The following PRKG1 variants were observed in gnomAD, a reference collection of about 807,000 sequenced individuals.
PRKG1 encodes the protein protein kinase cGMP-dependent 1.
PRKG1 carries 35 observed loss-of-function variants against 88.1 expected under a neutral mutation model. That is an observed-to-expected ratio of 0.40 (90% CI 0.30 to 0.53). The LOEUF (loss-of-function observed/expected upper bound fraction) is 0.53. PRKG1 is among the 20% of genes least tolerant of loss of function. PRKG1 has a pLI of 0.59. For synonymous variants in PRKG1, 303 were observed against 292.5 expected, an observed-to-expected ratio of 1.04 and a Z score of -0.37; for missense variants, 540 against 839.8, an observed-to-expected ratio of 0.64 and a Z score of 4.41.
chr10:51,854,732 A>C (rs1324141697), intron 4 of PRKG1, among the ~76,000 whole-genome samples: 1 of 152,220 alleles, frequency 6.6e-6, no homozygotes, highest in Non-Finnish European at 1.5e-5. Context: ...AAGTTAGCGT[A>C]ATCTGGGGTG....
At chr10:51,231,109 T>C (rs1589263460) in intron 2 of PRKG1, among the ~76,000 whole-genome samples, 1 of 152,180 alleles carries the variant, frequency 6.6e-6, no homozygotes, top group East Asian at 1.9e-4. Context: ...CCTCGTTTAC[T>C]TCAGGAGGTA....
chr10:51,908,673 G>C (rs954832014), intron 5 of PRKG1: 8 of 144,636 alleles, frequency 5.5e-5, no homozygotes, highest in South Asian at 2.2e-4. Context: ...GAAGGAGATT[G>C]AAAAATCATC....
chr10:51,476,940 C>A (rs1375004371), intron 3 of PRKG1, among the ~76,000 whole-genome samples: 1 of 151,838 alleles, frequency 6.6e-6, no homozygotes, highest in Non-Finnish European at 1.5e-5. Flanking sequence ...GAATCTCTAA[C>A]CTTTACAATA....
At chr10:51,122,435 G>A (rs1845281432) in intron 1 of PRKG1, among the ~76,000 whole-genome samples, 1 of 152,134 alleles carries the variant, frequency 6.6e-6, no homozygotes, top group Non-Finnish European at 1.5e-5. Context: ...AGTGATGTTA[G>A]CCCTGTGTCT....
chr10:51,937,472 G>T (rs903270333), intron 5 of PRKG1, among the ~76,000 whole-genome samples: 1 of 151,946 alleles, frequency 6.6e-6, no homozygotes, highest in Admixed American at 6.6e-5. Context: ...GTAAATCTTG[G>T]CAGATGTTTA....
intron 4 of PRKG1, among the ~76,000 whole-genome samples, chr10:51,886,382 C>G (rs1841569630): frequency 6.6e-6 from 1 of 152,040 alleles, no homozygotes; most frequent in African/African-American, 2.4e-5. Context: ...AAAGATATGG[C>G]AAAAGGACTA....
chr10:51,186,856 C>A (rs1837500417), intron 2 of PRKG1, among the ~76,000 whole-genome samples: 1 of 150,848 alleles, frequency 6.6e-6, no homozygotes, highest in South Asian at 2.1e-4. Context: ...TTTACTTCAT[C>A]TTTTGTCACT....
At chr10:51,130,043 T>C (rs1234257491) in intron 1 of PRKG1, among the ~76,000 whole-genome samples, 2 of 152,118 alleles carry the variant, frequency 1.3e-5, no homozygotes, top group African/African-American at 2.4e-5. Flanking sequence ...TTTATACTAA[T>C]AGTTTTGCAT....
chr10:51,469,510 G>A (rs1839992004), intron 3 of PRKG1, among the ~76,000 whole-genome samples: 1 of 151,718 alleles, frequency 6.6e-6, no homozygotes. Context: ...GAAATGATTT[G>A]TTTGCTTCAT....
chr10:51,984,557 G>A (rs2133115833), intron 5 of PRKG1, among the ~76,000 whole-genome samples: 1 of 152,280 alleles, frequency 6.6e-6, no homozygotes, highest in African/African-American at 2.4e-5. Flanking sequence ...CAGGAACAGG[G>A]CAGGTGGAAG....
At chr10:51,281,722 G>A (rs1014632903) in intron 2 of PRKG1, among the ~76,000 whole-genome samples, 9 of 152,134 alleles carry the variant, frequency 5.9e-5, no homozygotes, top group African/African-American at 2.2e-4. Context: ...CTATCATTTA[G>A]GGCCTCCATG....
chr10:51,304,149 T>C (rs1242835079), intron 2 of PRKG1, among the ~76,000 whole-genome samples: 1 of 152,084 alleles, frequency 6.6e-6, no homozygotes, highest in Non-Finnish European at 1.5e-5. Context: ...TAAATGATCA[T>C]TGGGTTTCAG....
At chr10:51,188,956 A>G (rs1205196407) in intron 2 of PRKG1, among the ~76,000 whole-genome samples, 1 of 151,932 alleles carries the variant, frequency 6.6e-6, no homozygotes, top group Non-Finnish European at 1.5e-5. Flanking sequence ...CTTATTAAGT[A>G]TCTCCCTTTT....
At chr10:51,489,424 A>T (rs938170203) in intron 3 of PRKG1, among the ~76,000 whole-genome samples, 1 of 152,158 alleles carries the variant, frequency 6.6e-6, no homozygotes, top group African/African-American at 2.4e-5. Context: ...CTGGTTCTCA[A>T]AATGTATTCC....
At chr10:51,319,090 C>G (rs551931230) in intron 2 of PRKG1, among the ~76,000 whole-genome samples, 7 of 152,280 alleles carry the variant, frequency 4.6e-5, no homozygotes, top group African/African-American at 1.4e-4. Context: ...CTTACACATT[C>G]CTGTGAATTC....
chr10:51,603,924 C>CTA (rs1372299658), intron 3 of PRKG1, among the ~76,000 whole-genome samples: 1 of 152,178 alleles, frequency 6.6e-6, no homozygotes, highest in Non-Finnish European at 1.5e-5. Context: ...AAGGCTGTCA[C>CTA]GCTGGGATGG....
At chr10:50,998,692 G>C (rs1240489673) in intron 1 of PRKG1, among the ~76,000 whole-genome samples, 4 of 152,184 alleles carry the variant, frequency 2.6e-5, no homozygotes, top group Non-Finnish European at 5.9e-5. Context: ...AGGTTGCAGT[G>C]AGCCAAGATC....
Position 52,251,191 on chromosome 10 carries a change from A to G in PRKG1, c.1077-379A>G, listed in dbSNP as rs142827018. ...GCCATCCGAAATCTGAACGGCAAAAACAAAACCAAGCAAAACCAAAAAATC... is the reference window on the plus strand; with the variant it reads ...GCCATCCGAAATCTGAACGGCAAAAGCAAAACCAAGCAAAACCAAAAAATC... On this transcript the variant is annotated intron_variant, in intron 9 of 17. Coordinates refer to ENST00000373980, the MANE Select transcript of PRKG1 (RefSeq NM_006258.4). Among the ~76,000 whole-genome samples, 307 of 152,242 alleles carry G rather than the reference A, an allele frequency of 2.0e-3. 3 individuals carry two copies. Among genetic ancestry groups the G allele is most frequent in the Non-Finnish European group, 1.9e-3 (127 of 68,014 alleles).
chr10:51,015,330 A>G (rs1346930990), intron 1 of PRKG1, among the ~76,000 whole-genome samples: 4 of 152,130 alleles, frequency 2.6e-5, no homozygotes, highest in African/African-American at 4.8e-5. Flanking sequence ...TATGTTCAAG[A>G]TATTTTCTGT....
Sources: gnomAD v4.1 joint callset for allele counts (sites outside exome capture counted in the v4.1 genomes callset) on GRCh38, gnomAD v4.1.1 for gene constraint, MANE v1.5 for transcripts, NCBI Gene and HGNC (gene_info 2026-07-23, HGNC 2026-07-21) for gene names.